The following RAI14 variants were observed in gnomAD, a reference collection of about 807,000 sequenced individuals.
RAI14 encodes retinoic acid induced 14, also known as ankycorbin.
Under a neutral mutation model 115.4 loss-of-function variants are expected in RAI14, and 45 were observed. The ratio of observed to expected loss-of-function variants is 0.39; its 90% CI spans 0.31 to 0.50. The LOEUF (loss-of-function observed/expected upper bound fraction) is 0.50. Ranked by LOEUF, RAI14 falls within the 20% of genes least tolerant of loss-of-function variation. The pLI, the probability that RAI14 is intolerant of heterozygous loss-of-function variation, is 0.85. For missense variants in RAI14, 939 were observed against 1,131.2 expected (o/e 0.83, Z 2.44); for synonymous variants, 371 against 415.4 (o/e 0.89, Z 1.30).
Position 34,823,680 on chromosome 5 carries a change from A to G in RAI14, c.1838A>G (p.Asp613Gly), listed in dbSNP as rs779526745. Residue 613 changes from aspartate to glycine, a missense_variant, in exon 15 of 18, where the codon GAC becomes GGC. Asp to Gly is a moderately conservative substitution (Grantham distance 94). Coordinates refer to ENST00000265109, the MANE Select transcript of RAI14 (RefSeq NM_015577.3). This position sits in a 1 kb window ranked among gnomAD's most constrained non-coding sequence, Gnocchi z 4.5. ...CAAGAAGAAATCATGAAATTAAAAG[A>G]CACACTAAAAAGTCAGATGACACAG... ...EAQEEIMKLK[D>G]TLKSQMTQEA... 2 of 1,614,026 alleles carry G rather than the reference A, an allele frequency of 1.2e-6. No individual in the cohort carries two copies. Among genetic ancestry groups the G allele is most frequent in the South Asian group, 1.1e-5 (1 of 91,042 alleles).
intron 2 of RAI14, among the ~76,000 whole-genome samples, chr5:34,746,972 AT>A (rs1339354789): frequency 1.3e-5 from 2 of 151,716 alleles, no homozygotes; most frequent in Admixed American, 6.6e-5. Flanking sequence ...CTTCTTCCTC[AT>A]TTTTCTCTTC....
chr5:34,688,977 T>A (rs1329158175), intron 2 of RAI14, among the ~76,000 whole-genome samples: 1 of 152,182 alleles, frequency 6.6e-6, no homozygotes, highest in Non-Finnish European at 1.5e-5. Context: ...AACTAAGGCC[T>A]TAGGGACATG....
At chr5:34,719,172 T>C (rs1381622860) in intron 2 of RAI14, among the ~76,000 whole-genome samples, 1 of 152,150 alleles carries the variant, frequency 6.6e-6, no homozygotes, top group East Asian at 1.9e-4. Context: ...ACCTGGTGGC[T>C]CATTCCCTCA....
chr5:34,710,445 C>G (rs1298094663), intron 2 of RAI14, among the ~76,000 whole-genome samples: 1 of 152,154 alleles, frequency 6.6e-6, no homozygotes, highest in Non-Finnish European at 1.5e-5. Flanking sequence ...CATAGGCTCT[C>G]TGTCAGATAT....
At chr5:34,730,368 A>G (rs901270201) in intron 2 of RAI14, among the ~76,000 whole-genome samples, 3 of 152,220 alleles carry the variant, frequency 2.0e-5, no homozygotes, top group Admixed American at 6.5e-5. Context: ...AATTTTATGT[A>G]TCTTATAAAA....
chr5:34,690,443 G>A (rs565222661), intron 2 of RAI14, among the ~76,000 whole-genome samples: 1 of 152,326 alleles, frequency 6.6e-6, no homozygotes, highest in African/African-American at 2.4e-5. Flanking sequence ...TGTCTGGGAG[G>A]TCTGTGGCCA....
chr5:34,825,243 C>G (rs1160743203), intron 15 of RAI14, among the ~76,000 whole-genome samples: 1 of 152,198 alleles, frequency 6.6e-6, no homozygotes, highest in Non-Finnish European at 1.5e-5. Flanking sequence ...CCACTGCATT[C>G]TAGCCTGGGC....
At chr5:34,707,135 A>C (rs1740789788) in intron 2 of RAI14, among the ~76,000 whole-genome samples, 1 of 152,208 alleles carries the variant, frequency 6.6e-6, no homozygotes, top group Non-Finnish European at 1.5e-5. Context: ...TGACTCCTGC[A>C]AGTCAGTTAG....
intron 2 of RAI14, chr5:34,688,104 TC>T: frequency 6.9e-7 from 1 of 1,439,472 alleles, no homozygotes. Flanking sequence ...CAAAGAGACT[TC>T]GACAAAGACA....
intron 2 of RAI14, among the ~76,000 whole-genome samples, chr5:34,695,748 G>A (rs1739149524): frequency 7.3e-5 from 11 of 151,206 alleles, no homozygotes; most frequent in Admixed American, 6.6e-4. Flanking sequence ...TCTTTGGACA[G>A]TGCTGCTCTA....
intron 3 of RAI14, among the ~76,000 whole-genome samples, chr5:34,787,617 G>A (rs1460437755): frequency 2.6e-5 from 4 of 152,054 alleles, no homozygotes; most frequent in Non-Finnish European, 4.4e-5. Context: ...ACTGCTAATC[G>A]ATACAGGGAT....
At chr5:34,681,607 A>T (rs956535484) in intron 1 of RAI14, among the ~76,000 whole-genome samples, 1 of 151,866 alleles carries the variant, frequency 6.6e-6, no homozygotes, top group Non-Finnish European at 1.5e-5. Context: ...TGACCCTTCC[A>T]CCTCAACCTC....
chr5:34,787,900 T>TTTTTTTTTTTTTTTTTTTTC (rs1752497807), intron 3 of RAI14, among the ~76,000 whole-genome samples: 1 of 69,210 alleles, frequency 1.4e-5, no homozygotes. Context: ...CTGATTTTTT[T>TTTTTTTTTTTTTTTTTTTTC]TTTTTTTTTT....
rs139248309 is a variant in RAI14 at position 34,741,485 on chromosome 5, T to C, written c.37-15983T>C. Among the ~76,000 whole-genome samples the C allele has an allele frequency of 1.3e-3, 205 of 152,278 alleles. 2 individuals are homozygous for C. Among genetic ancestry groups the C allele is most frequent in the Admixed American group, 1.6e-3 (25 of 15,298 alleles). ...TTGAAATAGATGGCAGGGAGCAACT[T>C]TATGCCTAGTTGGCAGAGAGATGGC... On this transcript the variant is annotated intron_variant, in intron 2 of 17. Transcript: ENST00000265109.
chr5:34,739,305 C>T (rs1199801032), intron 2 of RAI14, among the ~76,000 whole-genome samples: 2 of 152,204 alleles, frequency 1.3e-5, no homozygotes, highest in Admixed American at 6.5e-5. Context: ...CTAACTTGCC[C>T]GAGATAATAA....
chr5:34,716,169 CA>C (rs1406176466), intron 2 of RAI14: 3 of 395,962 alleles, frequency 7.6e-6, no homozygotes, highest in Non-Finnish European at 1.5e-5. Flanking sequence ...ATAAAAAATG[CA>C]CAGATTTCAA....
chr5:34,808,233 T>A (rs1489932753), intron 6 of RAI14, among the ~76,000 whole-genome samples: 5 of 152,252 alleles, frequency 3.3e-5, no homozygotes, highest in African/African-American at 1.2e-4. Context: ...TTGTTTAGTA[T>A]GATTACACAA....
intron 4 of RAI14, among the ~76,000 whole-genome samples, chr5:34,800,641 C>T (rs1349390255): frequency 1.3e-5 from 2 of 152,150 alleles, no homozygotes; most frequent in African/African-American, 4.8e-5. Flanking sequence ...TACTTTTCTG[C>T]TGCTCGTTAG....
Position 34,831,012 on chromosome 5 carries a change from G to A in RAI14, c.*247G>A. On this transcript the variant is annotated 3_prime_UTR_variant, in exon 18 of 18. Coordinates refer to ENST00000265109, the MANE Select transcript of RAI14 (RefSeq NM_015577.3). Reference sequence around the variant, plus strand: ...CCTTCAGATTCCAGAGCTGGGATCAGCCATGCCCAGAGGTCTGGTCCTGAT... The same window carrying A: ...CCTTCAGATTCCAGAGCTGGGATCAACCATGCCCAGAGGTCTGGTCCTGAT... 1.6e-6 allele frequency: 1 copy of A among 633,518 alleles called. No individual in the cohort carries two copies. The highest frequency in any genetic ancestry group is 2.4e-6 in the Non-Finnish European group (1 of 420,480). 39.2% of individuals were successfully genotyped at this position (633,518 alleles called of 1,614,324 possible).
Sources: allele counts gnomAD v4.1 joint callset (sites outside exome capture counted in the v4.1 genomes callset), GRCh38; gene constraint gnomAD v4.1.1; non-coding constraint Gnocchi (gnomAD v3.1); transcripts MANE v1.5; gene names NCBI Gene and HGNC (gene_info 2026-07-23, HGNC 2026-07-21).